FCRL1: variants seen among roughly 807,000 people sequenced by gnomAD.
The protein encoded by FCRL1 is Fc receptor like 1.
Under a neutral mutation model 49.2 loss-of-function variants are expected in FCRL1, and 34 were observed. The ratio of observed to expected loss-of-function variants is 0.69; its 90% CI spans 0.53 to 0.92. The LOEUF is 0.92. FCRL1 is among the 40% of genes least tolerant of loss of function. The probability of loss-of-function intolerance (pLI) is 0.00; values close to 1 mark genes in which losing one functional copy is unlikely to be tolerated. For missense variants in FCRL1, 524 were observed against 524.1 expected (o/e 1.00, Z 0.00); for synonymous variants, 218 against 201.6 (o/e 1.08, Z -0.69).
intron 2 of FCRL1, among the ~76,000 whole-genome samples, chr1:157,806,219 A>G (rs957599440): frequency 2.0e-5 from 3 of 152,230 alleles, no homozygotes; most frequent in Non-Finnish European, 2.9e-5. Context: ...TACTTGGACA[A>G]ACATTAGATA....
chr1:157,801,309 G>A lies in FCRL1; in HGVS notation c.1003+152C>T, dbSNP rs115648375. The A allele has an allele frequency of 2.1e-3, 1,335 of 642,282 alleles. 10 individuals are homozygous for A. The African/African-American group carries it at 0.022, about 11-fold the overall frequency. 39.8% of individuals were successfully genotyped at this position (642,282 alleles called of 1,614,324 possible). A position where few individuals can be genotyped will look rare whatever the true frequency, so the allele number is the denominator to read the frequency against. On this transcript the variant is annotated intron_variant, in intron 6 of 10. Coordinates refer to ENST00000368176, the MANE Select transcript of FCRL1 (RefSeq NM_052938.5). ...CAAAAATGTTACACTGTATTAATAG[G>A]CACTGTTCCTACCCGCTGGCTTTGT...
chr1:157,810,931 T>A (rs1654234870), intron 1 of FCRL1, among the ~76,000 whole-genome samples: 1 of 152,000 alleles, frequency 6.6e-6, no homozygotes, highest in Non-Finnish European at 1.5e-5. Context: ...TGTGCCACAA[T>A]GCCAGGATAA....
intron 1 of FCRL1, among the ~76,000 whole-genome samples, chr1:157,812,965 A>G (rs998746862): frequency 6.6e-6 from 1 of 152,182 alleles, no homozygotes; most frequent in Non-Finnish European, 1.5e-5. Context: ...AGCCTAGGCC[A>G]CTGAGGCACA....
At chr1:157,796,406 G>A (rs1244041492) in intron 10 of FCRL1, among the ~76,000 whole-genome samples, 1 of 152,172 alleles carries the variant, frequency 6.6e-6, no homozygotes, top group Non-Finnish European at 1.5e-5. Context: ...CAGTGCCTTC[G>A]CTCATTCTTA....
At chr1:157,796,837 G>A (rs1483162003) in intron 10 of FCRL1, among the ~76,000 whole-genome samples, 2 of 152,164 alleles carry the variant, frequency 1.3e-5, no homozygotes, top group African/African-American at 4.8e-5. Flanking sequence ...AGAATTTTTA[G>A]ACTAGGTATG....
In FCRL1 at chr1:157,803,978, G is replaced by A. The variant is rs1378066705; in HGVS notation, c.186C>T (p.Gly62=). ...FCFFRDTRAL[G]PGWSSSPKLQ... ...GCTTGGGGGAGCTGCTCCAGCCTGG[G>A]CCCAAGGCCCGGGTGTCTCTGAAAA... Residue 62 remains glycine, a synonymous_variant, in exon 3 of 11, where the codon GGC becomes GGT. Coordinates refer to ENST00000368176, the MANE Select transcript of FCRL1 (RefSeq NM_052938.5). 6 of 1,614,058 alleles carry A rather than the reference G, an allele frequency of 3.7e-6. No homozygotes were observed. Among genetic ancestry groups the A allele is most frequent in the Non-Finnish European group, 5.1e-6 (6 of 1,180,040 alleles).
At chr1:157,796,289 G>A in intron 10 of FCRL1, 119 bp from the exon 11 acceptor site, 1 of 794,228 alleles carries the variant, frequency 1.3e-6, no homozygotes, top group Non-Finnish European at 2.1e-6. Flanking sequence ...GCAAAAATAA[G>A]GGCCTCTTGG....
intron 2 of FCRL1, among the ~76,000 whole-genome samples, chr1:157,804,936 T>A (rs1464572358): frequency 6.6e-6 from 1 of 151,938 alleles, no homozygotes; most frequent in Non-Finnish European, 1.5e-5. Context: ...CTCAGCTCAC[T>A]GCAACCTCAA....
intron 1 of FCRL1, among the ~76,000 whole-genome samples, chr1:157,819,221 C>T (rs1655462665): frequency 6.6e-6 from 1 of 151,996 alleles, no homozygotes; most frequent in African/African-American, 2.4e-5. Context: ...AGGATAATTG[C>T]CTGGCATTGC....
rs912638020 is a variant in FCRL1, at chr1:157,794,623, T to C, written c.*1476A>G. 8 of 152,194 alleles carry C rather than the reference T, an allele frequency of 5.3e-5. No individual in the cohort carries two copies. The highest frequency in any genetic ancestry group is 9.6e-5 in the African/African-American group (4 of 41,456). The allele number at this position is 152,194 out of a possible 1,614,324, so 9.4% of individuals were successfully genotyped here. ...TTCAGATAATCCAGCAGGAGTGCCA[T>C]AATATGCTAGTACAAAGACATTTGT... On this transcript the variant is annotated 3_prime_UTR_variant, in exon 11 of 11. Transcript: ENST00000368176.
chr1:157,804,137 G>A, intron 2 of FCRL1, 26 bp from the exon 3 acceptor site: 1 of 1,604,936 alleles, frequency 6.2e-7, no homozygotes, highest in Non-Finnish European at 8.5e-7. Flanking sequence ...AAACACAAAT[G>A]ATTAATGCGG....
intron 1 of FCRL1, among the ~76,000 whole-genome samples, chr1:157,817,144 T>C (rs949468645): frequency 6.6e-6 from 1 of 151,914 alleles, no homozygotes; most frequent in Non-Finnish European, 1.5e-5. Context: ...TCTTCAGAAA[T>C]AGAAAAAGCA....
At chr1:157,804,256 C>G (rs12133090) in intron 2 of FCRL1, 145 bp from the exon 3 acceptor site, 13 of 901,850 alleles carry the variant, frequency 1.4e-5, no homozygotes, top group South Asian at 3.5e-5. Flanking sequence ...ACCCCCCCCC[C>G]AGTGGCCCAT....
At chr1:157,818,306 G>A (rs531131381) in intron 1 of FCRL1, among the ~76,000 whole-genome samples, 1 of 152,028 alleles carries the variant, frequency 6.6e-6, no homozygotes, top group East Asian at 1.9e-4. Context: ...CATACATGAT[G>A]GAATACTATT....
chr1:157,802,194 C>CT lies in FCRL1; in HGVS notation c.608-2dup. The CT allele has an allele frequency of 6.2e-7, 1 of 1,611,738 alleles. No individual in the cohort carries two copies. On this transcript the variant is annotated splice_acceptor_variant, in intron 4 of 10. Transcript: ENST00000368176. LOFTEE classifies it high-confidence loss of function. ...ATGAGGATTGGGCGAGACACCGGGA[C>CT]TGAGGGAGACAGTAGACTGTAAGAG...
At chr1:157,796,244 G>A (rs1651453214) in intron 10 of FCRL1, 74 bp from the exon 11 acceptor site, 4 of 1,203,020 alleles carry the variant, frequency 3.3e-6, no homozygotes, top group Non-Finnish European at 4.9e-6. Flanking sequence ...TCCCCAGTTA[G>A]CTTGGATGCA....
chr1:157,800,098 C>T lies in FCRL1; in HGVS notation c.1004-13G>A. The T allele has an allele frequency of 6.2e-7, 1 of 1,612,782 alleles. No individual in the cohort carries two copies. Among genetic ancestry groups the T allele is most frequent in the Non-Finnish European group, 8.5e-7 (1 of 1,179,162 alleles). ...GCTGAACGTCTTCCTGAAAGAAAAA[C>T]AAATGAGCATACACATAAATGGAAG... is the stretch of plus-strand genomic sequence containing the variant. On this transcript the variant is annotated splice_polypyrimidine_tract_variant and intron_variant, in intron 6 of 10. Coordinates refer to ENST00000368176, the MANE Select transcript of FCRL1 (RefSeq NM_052938.5).
chr1:157,802,467 C>A lies in FCRL1; in HGVS notation c.517G>T (p.Val173Leu), dbSNP rs1652690894. 1 of 1,614,228 alleles carries A rather than the reference C, an allele frequency of 6.2e-7. No individual in the cohort carries two copies. The highest frequency in any genetic ancestry group is 8.5e-7 in the Non-Finnish European group (1 of 1,180,040). ...SLTAEYEIPS[V>L]RESDAEQYYC... is the part of the protein sequence containing the mutation. ...TATTGCTCAGCATCACTCTCCCTCA[C>A]TGAAGGAATCTCATACTCTGCTGTC... The change falls in exon 4 of 11, where the codon GTG becomes TTG. Residue 173 changes from valine (V) to leucine (L), a missense_variant. Coordinates refer to ENST00000368176, the MANE Select transcript of FCRL1 (RefSeq NM_052938.5).
intron 1 of FCRL1, among the ~76,000 whole-genome samples, chr1:157,813,089 C>A (rs1316811466): frequency 1.3e-5 from 2 of 152,066 alleles, no homozygotes; most frequent in African/African-American, 4.8e-5. Flanking sequence ...CATCGGCACC[C>A]TAGGATCAAT....
Sources: allele counts gnomAD v4.1 joint callset (sites outside exome capture counted in the v4.1 genomes callset), GRCh38; gene constraint gnomAD v4.1.1; transcripts MANE v1.5; gene names NCBI Gene and HGNC (gene_info 2026-07-23, HGNC 2026-07-21).